Variants in RBFOX1 observed in about 807,000 individuals in gnomAD.
RBFOX1 encodes RNA binding protein fox-1 homolog 1.
A neutral mutation model predicts 57.7 loss-of-function variants in RBFOX1; 8 were observed. That is an observed-to-expected ratio of 0.14 (90% CI 0.08 to 0.25). The LOEUF (loss-of-function observed/expected upper bound fraction) is 0.25. Among genes scored for constraint, RBFOX1 ranks in the 10% least tolerant of loss-of-function variants. RBFOX1 has a pLI of 1.00. For synonymous variants in RBFOX1, 326 were observed against 222.4 expected (o/e 1.47, Z -4.15); for missense variants, 611 against 548.5 (o/e 1.11, Z -1.14).
At chr16:7,543,340 G>A (rs184259693) in intron 5 of RBFOX1, among the ~76,000 whole-genome samples, 1 of 152,314 alleles carries the variant, frequency 6.6e-6, no homozygotes, top group East Asian at 1.9e-4. Context: ...GATTCTGGGA[G>A]ATATTTGAGA....
At chr16:5,785,426 G>A (rs560507678) in intron 3 of RBFOX1, among the ~76,000 whole-genome samples, 3 of 152,254 alleles carry the variant, frequency 2.0e-5, no homozygotes, top group Non-Finnish European at 2.9e-5. Flanking sequence ...AGGCCCCACC[G>A]CCATCCTTGA....
chr16:6,153,802 C>G (rs1567573224), intron 1 of RBFOX1, among the ~76,000 whole-genome samples: 1 of 152,222 alleles, frequency 6.6e-6, no homozygotes, highest in Non-Finnish European at 1.5e-5. Context: ...TCCCAAAGTG[C>G]TGGGATTACA....
At chr16:6,732,159 G>C (rs1426541942) in intron 3 of RBFOX1, among the ~76,000 whole-genome samples, 1 of 152,018 alleles carries the variant, frequency 6.6e-6, no homozygotes, top group South Asian at 2.1e-4. Flanking sequence ...CTATACATCT[G>C]ATCCCTCCAT....
In RBFOX1 at chr16:7,693,038, G is replaced by T. The variant is rs892733046; in HGVS notation, c.996-16018G>T. Among the ~76,000 whole-genome samples the T allele has an allele frequency of 3.3e-5, 5 of 152,112 alleles. 1 individual carries two copies. Among genetic ancestry groups the T allele is most frequent in the Admixed American group, 2.6e-4 (4 of 15,256 alleles). ...CACAATTTGAAATGCTTTAGCCTTA[G>T]AAACATATCCTGGCATGTTTTGGTA... On this transcript the variant is annotated intron_variant, in intron 14 of 15. Coordinates refer to ENST00000550418, the MANE Select transcript of RBFOX1 (RefSeq NM_018723.4).
chr16:6,616,477 C>T (rs12925554), intron 2 of RBFOX1, among the ~76,000 whole-genome samples: 1 of 151,846 alleles, frequency 6.6e-6, no homozygotes, highest in Non-Finnish European at 1.5e-5. Context: ...GAGATCGAGA[C>T]CATCCTGGCT....
At chr16:6,230,185 A>G (rs1368705373) in intron 1 of RBFOX1, among the ~76,000 whole-genome samples, 1 of 152,220 alleles carries the variant, frequency 6.6e-6, no homozygotes, top group East Asian at 1.9e-4. Flanking sequence ...AGCATAGAAG[A>G]GATGAAGTTA....
At chr16:5,606,853 G>T (rs1302368401) in intron 3 of RBFOX1, among the ~76,000 whole-genome samples, 2 of 152,198 alleles carry the variant, frequency 1.3e-5, no homozygotes, top group Non-Finnish European at 2.9e-5. Context: ...ACATGGGCAT[G>T]AACTTGGGTC....
chr16:6,304,913 A>C (rs2079294902), intron 1 of RBFOX1, among the ~76,000 whole-genome samples: 1 of 146,520 alleles, frequency 6.8e-6, no homozygotes, highest in Non-Finnish European at 1.5e-5. Context: ...CCTATATCTG[A>C]GAGACGTTGC....
intron 1 of RBFOX1, among the ~76,000 whole-genome samples, chr16:6,192,229 TG>T (rs2097146431): frequency 1.3e-5 from 2 of 152,118 alleles, no homozygotes; most frequent in South Asian, 2.1e-4. Flanking sequence ...GACCAGTCCT[TG>T]GGTGTTGGGA....
chr16:6,971,097 A>G (rs1040353850), intron 3 of RBFOX1, among the ~76,000 whole-genome samples: 1 of 152,212 alleles, frequency 6.6e-6, no homozygotes, highest in African/African-American at 2.4e-5. Flanking sequence ...ATTGGATGGT[A>G]GTTATAATCT....
intron 4 of RBFOX1, among the ~76,000 whole-genome samples, chr16:7,175,649 C>T (rs1337142167): frequency 6.6e-6 from 1 of 152,210 alleles, no homozygotes; most frequent in East Asian, 1.9e-4. Context: ...AGCTGTGTGC[C>T]TCCAGTGTGC....
intron 4 of RBFOX1, among the ~76,000 whole-genome samples, chr16:7,233,726 A>G (rs577755500): frequency 1.8e-4 from 27 of 152,286 alleles, no homozygotes; most frequent in Admixed American, 5.9e-4. Context: ...TATTTATGGT[A>G]TATGTGTCAG....
intron 3 of RBFOX1, among the ~76,000 whole-genome samples, chr16:6,929,670 A>T (rs2076189190): frequency 6.6e-6 from 1 of 152,146 alleles, no homozygotes. Flanking sequence ...TCCAGCTTGC[A>T]TAACTAGTGT....
intron 1 of RBFOX1, among the ~76,000 whole-genome samples, chr16:6,028,680 G>A (rs1567290101): frequency 6.6e-6 from 1 of 152,074 alleles, no homozygotes; most frequent in Non-Finnish European, 1.5e-5. Context: ...GACCCTATCT[G>A]TAAAAAAAAA....
intron 3 of RBFOX1, among the ~76,000 whole-genome samples, chr16:7,012,986 G>A (rs77624238): frequency 1.6e-4 from 25 of 152,238 alleles, no homozygotes; most frequent in South Asian, 6.2e-4. Flanking sequence ...CTTCAGTGGC[G>A]TTTCCTCAGT....
intron 2 of RBFOX1, among the ~76,000 whole-genome samples, chr16:6,354,539 G>T (rs888294105): frequency 6.6e-6 from 1 of 152,112 alleles, no homozygotes; most frequent in African/African-American, 2.4e-5. Flanking sequence ...CCAAGATCAG[G>T]ACCAAACTCC....
intron 3 of RBFOX1, among the ~76,000 whole-genome samples, chr16:6,966,309 G>A (rs1271156084): frequency 6.6e-6 from 1 of 152,098 alleles, no homozygotes; most frequent in African/African-American, 2.4e-5. Context: ...GGATAAAATG[G>A]GAGTGAAGGG....
At chr16:6,842,110 T>A (rs1283039275) in intron 3 of RBFOX1, among the ~76,000 whole-genome samples, 1 of 151,056 alleles carries the variant, frequency 6.6e-6, no homozygotes, top group Non-Finnish European at 1.5e-5. Flanking sequence ...GCCACTGCAC[T>A]CCAGCCTGGG....
intron 4 of RBFOX1, among the ~76,000 whole-genome samples, chr16:7,076,714 T>C (rs1416566882): frequency 6.6e-6 from 1 of 152,218 alleles, no homozygotes; most frequent in Non-Finnish European, 1.5e-5. Context: ...CCTTCCCATT[T>C]CTAACCAAGA....
Sources: gnomAD v4.1 joint callset for allele counts (sites outside exome capture counted in the v4.1 genomes callset) on GRCh38, gnomAD v4.1.1 for gene constraint, MANE v1.5 for transcripts, NCBI Gene and HGNC (gene_info 2026-07-23, HGNC 2026-07-21) for gene names.